TMPRSS11F: variants seen among roughly 807,000 people sequenced by gnomAD.
TMPRSS11F encodes transmembrane protease serine 11F.
Under a neutral mutation model 60.2 loss-of-function variants are expected in TMPRSS11F, and 47 were observed. The ratio of observed to expected loss-of-function variants is 0.78; its 90% confidence interval spans 0.62 to 1.00. The LOEUF is 1.00. TMPRSS11F is among the 50% of genes least tolerant of loss of function. The pLI is 0.00. For missense variants in TMPRSS11F, 519 were observed against 522.9 expected (o/e 0.99, Z 0.07); for synonymous variants, 166 against 167.3 (o/e 0.99, Z 0.06).
intron 4 of TMPRSS11F, 126 bp from the exon 5 acceptor site, chr4:68,072,612 A>G: frequency 3.6e-6 from 2 of 559,230 alleles, no homozygotes; most frequent in Non-Finnish European, 5.5e-6. Flanking sequence ...TTTTTAAATT[A>G]TCTCTGGATA....
At chr4:68,058,049 T>C (rs1006142048) in intron 9 of TMPRSS11F, among the ~76,000 whole-genome samples, 5 of 152,122 alleles carry the variant, frequency 3.3e-5, no homozygotes, top group Non-Finnish European at 7.4e-5. Context: ...AGACTGATGA[T>C]TACCAGAGTC....
intron 3 of TMPRSS11F, chr4:68,077,762 GCCCAGATAT>G (rs1369017312): frequency 2.0e-5 from 3 of 152,246 alleles, no homozygotes; most frequent in African/African-American, 7.2e-5. Flanking sequence ...CAACTTGACT[GCCCAGATAT>G]CCACAGAATA....
At position 68,081,057 on chromosome 4, in the gene TMPRSS11F, AAG is replaced by A. The variant is rs1723688165; in HGVS notation, c.283-7050_283-7049del. 5.9e-5 allele frequency: 9 copies of A among 152,354 alleles called. No individual in the cohort carries two copies. In the South Asian group the frequency reaches 1.9e-3, roughly 32 times the overall value. 9.4% of individuals were successfully genotyped at this position (152,354 alleles called of 1,614,324 possible). ...AATAGAGGGGAACGAAGAATGAAAA[AAG>A]AAATATTTTTAAGATGTCCTTTTAA... On this transcript the variant is annotated intron_variant, in intron 3 of 9. Coordinates refer to ENST00000356291, the MANE Select transcript of TMPRSS11F (RefSeq NM_207407.2).
chr4:68,070,047 T>C (rs745333924), intron 5 of TMPRSS11F, 40 bp from the exon 6 acceptor site: 2 of 1,563,972 alleles, frequency 1.3e-6, no homozygotes, highest in Non-Finnish European at 8.8e-7. Flanking sequence ...CAGAAGAATA[T>C]ATTCCCATTT....
At chr4:68,067,443 G>A (rs1303494487) in intron 7 of TMPRSS11F, among the ~76,000 whole-genome samples, 1 of 152,166 alleles carries the variant, frequency 6.6e-6, no homozygotes, top group Non-Finnish European at 1.5e-5. Flanking sequence ...GCCACAGCCT[G>A]TATTCTTCAC....
chr4:68,096,507 G>A (rs1016655613), intron 2 of TMPRSS11F, among the ~76,000 whole-genome samples: 8 of 152,102 alleles, frequency 5.3e-5, no homozygotes, highest in Admixed American at 2.0e-4. Flanking sequence ...GTTTTACTGC[G>A]CAGCCTGTGG....
intron 1 of TMPRSS11F, among the ~76,000 whole-genome samples, chr4:68,114,099 G>T (rs11942083): frequency 0.31 from 47,223 of 151,622 alleles, 7,502 homozygotes; most frequent in East Asian, 0.49. Flanking sequence ...AAAAAATTTG[G>T]GAGATGCACA....
chr4:68,061,521 A>T (rs1403548203), intron 8 of TMPRSS11F, among the ~76,000 whole-genome samples: 1 of 152,214 alleles, frequency 6.6e-6, no homozygotes, highest in African/African-American at 2.4e-5. Context: ...AAGAGTGAAG[A>T]TTTAGAGAGA....
rs534797544 is a variant in TMPRSS11F, at chr4:68,070,070, G to A, written c.515-63C>T. ...TATATTCCCATTTTCATGTTGTGTT[G>A]TTCAACTGGTCATTAATAGAAATGT... On this transcript the variant is annotated intron_variant, in intron 5 of 9. Transcript: ENST00000356291. 1.7e-5 allele frequency: 23 copies of A among 1,346,294 alleles called. No individual in the cohort carries two copies. The South Asian group carries it at 2.6e-4, about 15-fold the overall frequency. The allele number at this position is 1,346,294 out of a possible 1,614,324, so 83.4% of individuals were successfully genotyped here.
chr4:68,097,941 T>G (rs1724105038), intron 2 of TMPRSS11F, among the ~76,000 whole-genome samples: 1 of 152,154 alleles, frequency 6.6e-6, no homozygotes, highest in Admixed American at 6.6e-5. Flanking sequence ...TTCGGATCTT[T>G]CAAATGTGGT....
chr4:68,067,132 T>C (rs1037915219), intron 7 of TMPRSS11F, among the ~76,000 whole-genome samples: 7 of 152,150 alleles, frequency 4.6e-5, no homozygotes, highest in African/African-American at 1.2e-4. Flanking sequence ...GCATAAAATA[T>C]GCTATAATGT....
chr4:68,079,050 T>G (rs1723641811), intron 3 of TMPRSS11F, among the ~76,000 whole-genome samples: 1 of 71,398 alleles, frequency 1.4e-5, no homozygotes, highest in South Asian at 5.0e-4. Context: ...CAACCTCTAT[T>G]TAAAAAATGG....
chr4:68,053,859 C>A lies in TMPRSS11F; in HGVS notation c.*50G>T. On this transcript the variant is annotated 3_prime_UTR_variant, in exon 10 of 10. Coordinates refer to ENST00000356291, the MANE Select transcript of TMPRSS11F (RefSeq NM_207407.2). ...ATGAATTTAAACAATACAAAATACG[C>A]AGGAGTATCAGCTCTGTGTGCCATG... 1 of 1,526,366 alleles carries A rather than the reference C, an allele frequency of 6.6e-7. No homozygotes were observed. The highest frequency in any genetic ancestry group is 9.0e-7 in the Non-Finnish European group (1 of 1,116,058). 94.6% of individuals were successfully genotyped at this position (1,526,366 alleles called of 1,614,324 possible).
chr4:68,127,511 T>A (rs551675519), intron 1 of TMPRSS11F, among the ~76,000 whole-genome samples: 130 of 143,722 alleles, frequency 9.0e-4, no homozygotes, highest in Admixed American at 2.7e-3. Context: ...TAACCTACAA[T>A]GTGGGATACT....
intron 1 of TMPRSS11F, among the ~76,000 whole-genome samples, chr4:68,101,923 T>G (rs564198945): frequency 6.6e-6 from 1 of 152,248 alleles, no homozygotes; most frequent in East Asian, 1.9e-4. Context: ...ATGTTGTACA[T>G]TAGATCTCCA....
At position 68,064,688 on chromosome 4, in the gene TMPRSS11F, C is replaced by T. The variant is rs1427238760; in HGVS notation, c.1012G>A (p.Asp338Asn). The change falls in exon 8 of 10, where the codon GAT becomes AAT. Residue 338 changes from aspartate (D) to asparagine (N), a missense_variant. By Grantham distance (23) the Asp-to-Asn change is conservative. Coordinates refer to ENST00000356291, the MANE Select transcript of TMPRSS11F (RefSeq NM_207407.2). ...AAATTAGGTTGAAACTGCTCACCAT[C>T]ATCTACAATGGATCCAAATCCTGTG... ...FVTGFGSIVD[D>N]GPIQNTLRQA... 4 of 1,613,306 alleles carry T rather than the reference C, an allele frequency of 2.5e-6. No homozygotes were observed. The highest frequency in any genetic ancestry group is 1.7e-6 in the Non-Finnish European group (2 of 1,179,648).
At chr4:68,112,558 A>G (rs1724427859) in intron 1 of TMPRSS11F, among the ~76,000 whole-genome samples, 1 of 152,176 alleles carries the variant, frequency 6.6e-6, no homozygotes, top group Admixed American at 6.5e-5. Flanking sequence ...AGTACAGCCT[A>G]TGTAGTGAGA....
At chr4:68,110,730 C>T (rs34563821) in intron 1 of TMPRSS11F, among the ~76,000 whole-genome samples, 33,017 of 151,968 alleles carry the variant, frequency 0.22, 4,025 homozygotes, top group Admixed American at 0.37. Flanking sequence ...AACATTATTG[C>T]TATTATTAAA....
chr4:68,101,848 C>CA (rs1355397097), intron 1 of TMPRSS11F, among the ~76,000 whole-genome samples: 1 of 152,086 alleles, frequency 6.6e-6, no homozygotes, highest in East Asian at 1.9e-4. Flanking sequence ...GTGGCAACAG[C>CA]AGCTAAAATC....
Sources: gnomAD v4.1 joint callset for allele counts (sites outside exome capture counted in the v4.1 genomes callset) on GRCh38, gnomAD v4.1.1 for gene constraint, MANE v1.5 for transcripts, NCBI Gene and HGNC (gene_info 2026-07-23, HGNC 2026-07-21) for gene names.